The following SERPINB11 variants were observed in gnomAD, a reference collection of about 807,000 sequenced individuals.
SERPINB11 encodes the protein serpin B11.
In SERPINB11, 32 loss-of-function variants were observed where a neutral mutation model predicts 36.7. That is an observed-to-expected ratio of 0.87 (90% confidence interval 0.66 to 1.17). SERPINB11 has a LOEUF of 1.17. Among genes scored for constraint, SERPINB11 ranks in the 50% most tolerant of loss-of-function variants. The pLI is 0.00. For synonymous variants in SERPINB11, 174 were observed against 168.1 expected, an observed-to-expected ratio of 1.04 and a Z score of -0.27; for missense variants, 528 against 458.4, an observed-to-expected ratio of 1.15 and a Z score of -1.39.
chr18:63,715,915 G>C (rs145869113), intron 4 of SERPINB11, 120 bp from the exon 5 acceptor site: 164 of 576,008 alleles, frequency 2.8e-4, no homozygotes, highest in African/African-American at 2.8e-3. Flanking sequence ...TTTCCTCTCA[G>C]ACTTGTTTAT....
intron 2 of SERPINB11, among the ~76,000 whole-genome samples, chr18:63,710,864 A>G (rs1309267641): frequency 2.0e-5 from 3 of 152,306 alleles, no homozygotes; most frequent in East Asian, 1.9e-4. Flanking sequence ...AGATTTTCCC[A>G]TTACGTATAT....
In SERPINB11 at chr18:63,719,999, A is replaced by G. The variant is rs750707349; in HGVS notation, c.476-14A>G. 6.3e-7 allele frequency: 1 copy of G among 1,582,948 alleles called. No homozygotes were observed. Among genetic ancestry groups the G allele is most frequent in the East Asian group, 2.3e-5 (1 of 44,222 alleles). On this transcript the variant is annotated splice_polypyrimidine_tract_variant and intron_variant, in intron 5 of 7. Coordinates refer to ENST00000544088, the MANE Select transcript of SERPINB11 (RefSeq NM_001370475.1). ...GTTCAAATCCAAATATAATTATCTT[A>G]TTTTTTATACAAGGAAAAGTCGCAA... is the stretch of plus-strand genomic sequence containing the variant.
intron 1 of SERPINB11, among the ~76,000 whole-genome samples, chr18:63,704,208 C>T (rs1427246731): frequency 6.6e-6 from 1 of 152,156 alleles, no homozygotes; most frequent in Non-Finnish European, 1.5e-5. Flanking sequence ...GACAATTTCA[C>T]AGAAGAATTT....
At chr18:63,707,275 A>G (rs890720606) in intron 1 of SERPINB11, among the ~76,000 whole-genome samples, 1 of 152,166 alleles carries the variant, frequency 6.6e-6, no homozygotes, top group African/African-American at 2.4e-5. Flanking sequence ...GTCTGGGGAG[A>G]GAGAAGAAGA....
chr18:63,723,014 C>A lies in SERPINB11; in HGVS notation c.794C>A (p.Ser265Ter). 6.3e-7 allele frequency: 1 copy of A among 1,576,756 alleles called. No homozygotes were observed. The highest frequency in any genetic ancestry group is 8.6e-7 in the Non-Finnish European group (1 of 1,165,012). Reference protein sequence around the residue: ...NLKQIEKQLNSGTFHEWTSSS... With the variant: ...NLKQIEKQLN ...TCTTAGATAGAAAAGCAGCTGAATT[C>A]GGGGACGTTTCATGAGTGGACAAGC... Residue 265 changes from serine (S) to a stop codon, truncating the protein, a stop_gained, in exon 8 of 8, where the codon TCG becomes TAG. Coordinates refer to ENST00000544088, the MANE Select transcript of SERPINB11 (RefSeq NM_001370475.1). LOFTEE classifies it low-confidence loss of function (END_TRUNC).
At chr18:63,714,954 T>C (rs922233029) in intron 4 of SERPINB11, among the ~76,000 whole-genome samples, 1 of 152,190 alleles carries the variant, frequency 6.6e-6, no homozygotes, top group African/African-American at 2.4e-5. Context: ...TGTTCAGAGA[T>C]TGCAATAAAG....
chr18:63,709,773 A>C (rs1233003656), intron 1 of SERPINB11, among the ~76,000 whole-genome samples: 1 of 152,158 alleles, frequency 6.6e-6, no homozygotes, highest in African/African-American at 2.4e-5. Context: ...TAGTGGGAAA[A>C]TATCTCGACT....
At position 63,711,317 on chromosome 18, in the gene SERPINB11, C is replaced by A. The variant is rs754809173; in HGVS notation, c.169-18C>A. ...CATTGCTTCTGATGCCAAAAGATCC[C>A]TTTTTTTTCTTTTCTAGGTGCTTCA... On this transcript the variant is annotated intron_variant, in intron 2 of 7. Coordinates refer to ENST00000544088, the MANE Select transcript of SERPINB11 (RefSeq NM_001370475.1). 2 of 1,585,102 alleles carry A rather than the reference C, an allele frequency of 1.3e-6. No homozygotes were observed. Among genetic ancestry groups the A allele is most frequent in the Non-Finnish European group, 1.7e-6 (2 of 1,156,640 alleles).
intron 1 of SERPINB11, among the ~76,000 whole-genome samples, chr18:63,708,205 G>T (rs1211854150): frequency 6.6e-6 from 1 of 152,246 alleles, no homozygotes; most frequent in Non-Finnish European, 1.5e-5. Flanking sequence ...AGAGGGTCTT[G>T]CTGGTCACAG....
Position 63,720,821 on chromosome 18 carries a change from T to C in SERPINB11, c.619-10T>C, listed in dbSNP as rs1172117294. ...ATGTAAGTATACTATAATCTTTTTC[T>C]TCTTAACAGGGTAAAAATGTAACTG... On this transcript the variant is annotated splice_polypyrimidine_tract_variant and intron_variant, in intron 6 of 7. Transcript: ENST00000544088. The C allele has an allele frequency of 1.3e-6, 2 of 1,543,554 alleles. No individual in the cohort carries two copies. Among genetic ancestry groups the C allele is most frequent in the Admixed American group, 2.0e-5 (1 of 50,922 alleles).
At chr18:63,702,531 C>T (rs1014019858), upstream of SERPINB11, among the ~76,000 whole-genome samples, 1 of 152,252 alleles carries the variant, frequency 6.6e-6, no homozygotes, top group East Asian at 1.9e-4. Flanking sequence ...GCAGAGGTTG[C>T]AGTGAGCTGA....
At position 63,708,628 on chromosome 18, in the gene SERPINB11, C is replaced by G. The variant is rs143383394; in HGVS notation, c.-15-1551C>G. Among the ~76,000 whole-genome samples, 5 of 152,218 alleles carry G rather than the reference C, an allele frequency of 3.3e-5. No individual in the cohort carries two copies. The East Asian group carries it at 7.7e-4, about 23-fold the overall frequency. On this transcript the variant is annotated intron_variant, in intron 1 of 7. Coordinates refer to ENST00000544088, the MANE Select transcript of SERPINB11 (RefSeq NM_001370475.1). Reference sequence around the variant, plus strand: ...AGGCTGGAGAGAGGGGTTAGAAAATCAAGCATTTGCTTTTGGACATGTTAA... The same window carrying G: ...AGGCTGGAGAGAGGGGTTAGAAAATGAAGCATTTGCTTTTGGACATGTTAA...
At chr18:63,716,231 C>T in intron 5 of SERPINB11, 79 bp downstream of exon 5, 1 of 879,970 alleles carries the variant, frequency 1.1e-6, no homozygotes, top group South Asian at 1.6e-5. Context: ...AAAGAGGAAG[C>T]TGGCTGAAGT....
At chr18:63,707,447 A>G (rs1274117373) in intron 1 of SERPINB11, among the ~76,000 whole-genome samples, 2 of 152,212 alleles carry the variant, frequency 1.3e-5, no homozygotes, top group Non-Finnish European at 1.5e-5. Flanking sequence ...CCCATCTTCA[A>G]TCCCACTGCC....
At chr18:63,722,522 G>A (rs1008695803) in intron 7 of SERPINB11, among the ~76,000 whole-genome samples, 9 of 152,196 alleles carry the variant, frequency 5.9e-5, no homozygotes, top group African/African-American at 2.2e-4. Context: ...GCAGCTACCA[G>A]AAACAGTGAC....
intron 6 of SERPINB11, 43 bp downstream of exon 6, chr18:63,720,198 A>G (rs765663401): frequency 4.0e-5 from 61 of 1,520,972 alleles, no homozygotes; most frequent in Non-Finnish European, 5.2e-5. Flanking sequence ...GTTGGAGGAT[A>G]CAATAATCAT....
Position 63,720,078 on chromosome 18 carries a change from G to A in SERPINB11, c.541G>A (p.Ala181Thr), listed in dbSNP as rs1506418. 0.31 allele frequency: 498,328 copies of A among 1,600,626 alleles called. 83,935 individuals are homozygous for A. Among genetic ancestry groups the A allele is most frequent in the East Asian group, 0.59 (26,213 of 44,564 alleles). ...TTCATCTGTAATGGTCCTGGTGAAT[G>A]CCATATATTTCAAAGGACAATGGCA... ...DPSSVMVLVN[A>T]IYFKGQWQNK... The change falls in exon 6 of 8, where the codon GCC (alanine) becomes ACC (threonine). Residue 181 changes from alanine (A) to threonine (T), a missense_variant. Physicochemically the swap from Ala to Thr is moderately conservative, Grantham distance 58 (BLOSUM62 0). Coordinates refer to ENST00000544088, the MANE Select transcript of SERPINB11 (RefSeq NM_001370475.1).
At chr18:63,706,667 A>C (rs1030656322) in intron 1 of SERPINB11, among the ~76,000 whole-genome samples, 6 of 152,124 alleles carry the variant, frequency 3.9e-5, no homozygotes, top group African/African-American at 1.4e-4. Context: ...GTATAGAAAA[A>C]CCCTTGAAGT....
chr18:63,716,285 T>C (rs1462670327), intron 5 of SERPINB11, 133 bp downstream of exon 5: 2 of 514,636 alleles, frequency 3.9e-6, no homozygotes, highest in Non-Finnish European at 6.8e-6. Context: ...AATGGGGCCA[T>C]ATTTTGGAAT....
Sources: gnomAD v4.1 joint callset for allele counts (sites outside exome capture counted in the v4.1 genomes callset) on GRCh38, gnomAD v4.1.1 for gene constraint, MANE v1.5 for transcripts, NCBI Gene and HGNC (gene_info 2026-07-23, HGNC 2026-07-21) for gene names.